DOCK4: variants seen among roughly 807,000 people sequenced by gnomAD.
The protein encoded by DOCK4 is dedicator of cytokinesis 4.
In DOCK4, 97 loss-of-function variants were observed where a neutral mutation model predicts 268.1. The observed-to-expected ratio is 0.36, with a 90% CI of 0.31 to 0.43. DOCK4 has a LOEUF of 0.43. Ranked by LOEUF, DOCK4 falls within the 20% of genes least tolerant of loss-of-function variation. The probability of loss-of-function intolerance (pLI) is 1.00; values close to 1 mark genes in which losing one functional copy is unlikely to be tolerated. For missense variants in DOCK4, 2,145 were observed against 2,455.7 expected (o/e 0.87, Z 2.67); for synonymous variants, 954 against 887.2 (o/e 1.08, Z -1.34).
At chr7:112,178,425 C>CA (rs762396332) in intron 1 of DOCK4, among the ~76,000 whole-genome samples, 54 of 151,894 alleles carry the variant, frequency 3.6e-4, no homozygotes, top group Non-Finnish European at 6.8e-4. Flanking sequence ...TATGAGAGAC[C>CA]AAAAAAATCA....
At chr7:111,968,712 A>G (rs1180724421) in intron 8 of DOCK4, among the ~76,000 whole-genome samples, 1 of 122,304 alleles carries the variant, frequency 8.2e-6, no homozygotes, top group Non-Finnish European at 1.6e-5. Context: ...ATTACTGGGT[A>G]TATACCCAAA....
At chr7:112,099,296 T>TA (rs1810452321) in intron 1 of DOCK4, among the ~76,000 whole-genome samples, 2 of 122,462 alleles carry the variant, frequency 1.6e-5, no homozygotes, top group Non-Finnish European at 3.5e-5. Flanking sequence ...TGTCTCGGAT[T>TA]TAAAAAAAAA....
At chr7:111,976,177 T>TACAC (rs1418945722) in intron 8 of DOCK4, among the ~76,000 whole-genome samples, 11 of 89,160 alleles carry the variant, frequency 1.2e-4, no homozygotes, top group African/African-American at 1.4e-4. Flanking sequence ...TATATATATA[T>TACAC]ACACACACAC....
chr7:111,808,659 C>T, intron 30 of DOCK4, 162 bp downstream of exon 30: 1 of 642,520 alleles, frequency 1.6e-6, no homozygotes. Flanking sequence ...TTTGTTGTAA[C>T]CTCATTCAAT....
At chr7:112,132,932 G>A (rs1466732096) in intron 1 of DOCK4, among the ~76,000 whole-genome samples, 4 of 152,154 alleles carry the variant, frequency 2.6e-5, no homozygotes, top group Admixed American at 2.0e-4. Flanking sequence ...TGTCACTCCT[G>A]AATTTCAACT....
chr7:112,113,334 G>A (rs1430181975), intron 1 of DOCK4, among the ~76,000 whole-genome samples: 3 of 152,156 alleles, frequency 2.0e-5, no homozygotes, highest in Non-Finnish European at 4.4e-5. Flanking sequence ...CTCTGCACAA[G>A]ATCAGGGGTT....
At chr7:111,913,075 T>A (rs145845821) in intron 13 of DOCK4, among the ~76,000 whole-genome samples, 1 of 151,944 alleles carries the variant, frequency 6.6e-6, no homozygotes, top group Non-Finnish European at 1.5e-5. Flanking sequence ...GCGATTCTCT[T>A]GCCTCAGCCT....
intron 20 of DOCK4, among the ~76,000 whole-genome samples, chr7:111,869,898 T>C (rs572236868): frequency 6.6e-6 from 1 of 152,314 alleles, no homozygotes; most frequent in South Asian, 2.1e-4. Flanking sequence ...CTGTTTCTGG[T>C]AATGCCTCCA....
At chr7:111,787,012 C>A (rs949493892) in intron 32 of DOCK4, among the ~76,000 whole-genome samples, 8 of 151,980 alleles carry the variant, frequency 5.3e-5, no homozygotes, top group African/African-American at 1.7e-4. Flanking sequence ...GAATCAGGTA[C>A]CTTAAAATAG....
chr7:111,888,402 C>T (rs1808021080), intron 16 of DOCK4, among the ~76,000 whole-genome samples: 1 of 151,672 alleles, frequency 6.6e-6, no homozygotes, highest in Non-Finnish European at 1.5e-5. Flanking sequence ...GAGAAAAAGA[C>T]TGAAAAATAG....
rs569067858 is a variant in DOCK4, at chr7:111,810,934, G to A, written c.3006+940C>T. Among the ~76,000 whole-genome samples, 65 of 152,048 alleles carry A rather than the reference G, an allele frequency of 4.3e-4. 2 individuals carry two copies. In the South Asian group the frequency reaches 0.013, roughly 30 times the overall value. On this transcript the variant is annotated intron_variant, in intron 28 of 52. Transcript: ENST00000428084. Reference sequence around the variant, plus strand: ...AGAGAATCGCTTGAACCTGGGAGGCGGAGGTGGCAGTGAGCCGAGACTGCG... The same window carrying A: ...AGAGAATCGCTTGAACCTGGGAGGCAGAGGTGGCAGTGAGCCGAGACTGCG...
intron 16 of DOCK4, among the ~76,000 whole-genome samples, chr7:111,891,500 C>T (rs1163367595): frequency 6.6e-6 from 1 of 152,144 alleles, no homozygotes; most frequent in Non-Finnish European, 1.5e-5. Flanking sequence ...ATGTTATTGG[C>T]AATTTAAATT....
At chr7:111,739,974 C>T (rs1169703731) in intron 47 of DOCK4, 1 of 299,602 alleles carries the variant, frequency 3.3e-6, no homozygotes, top group Non-Finnish European at 6.7e-6. Flanking sequence ...TGTTTGCTTG[C>T]AGGAGTTATA....
intron 16 of DOCK4, among the ~76,000 whole-genome samples, chr7:111,877,644 T>TG (rs1194655006): frequency 6.6e-6 from 1 of 152,220 alleles, no homozygotes; most frequent in Non-Finnish European, 1.5e-5. Context: ...TCCCTTACTT[T>TG]GAAAACTGGC....
In DOCK4 at chr7:111,968,699, C is replaced by T. The variant is rs1359137491; in HGVS notation, c.701+8433G>A. Among the ~76,000 whole-genome samples the T allele has an allele frequency of 4.0e-5, 5 of 123,626 alleles. 2 individuals carry two copies. Among genetic ancestry groups the T allele is most frequent in the Non-Finnish European group, 8.0e-5 (5 of 62,862 alleles). The allele number at this position is 123,626 out of a possible 152,430, so 81.1% of individuals were successfully genotyped here. A position where few individuals can be genotyped will look rare whatever the true frequency, so the allele number is the denominator to read the frequency against. ...TAGAAATGCCATTTGACCCAGCCAT[C>T]GCATTACTGGGTATATACCCAAAGG... On this transcript the variant is annotated intron_variant, in intron 8 of 52. Coordinates refer to ENST00000428084, the MANE Select transcript of DOCK4 (RefSeq NM_001363540.2).
intron 1 of DOCK4, among the ~76,000 whole-genome samples, chr7:112,170,203 C>A (rs1482470337): frequency 6.6e-6 from 1 of 152,032 alleles, no homozygotes; most frequent in African/African-American, 2.4e-5. Context: ...GTAATCCCAG[C>A]GCTTTGGGAG....
chr7:112,116,829 A>G (rs1812219754), intron 1 of DOCK4, among the ~76,000 whole-genome samples: 1 of 152,112 alleles, frequency 6.6e-6, no homozygotes, highest in Non-Finnish European at 1.5e-5. Context: ...CTTGGCCTCA[A>G]GTGATCCTCC....
chr7:111,941,932 C>G (rs370371343), intron 10 of DOCK4, among the ~76,000 whole-genome samples: 5 of 152,212 alleles, frequency 3.3e-5, no homozygotes, highest in African/African-American at 7.2e-5. Flanking sequence ...CAAACCTCCA[C>G]CTGACTCATG....
At chr7:112,078,732 A>C (rs1233358599) in intron 1 of DOCK4, among the ~76,000 whole-genome samples, 1 of 152,194 alleles carries the variant, frequency 6.6e-6, no homozygotes, top group Non-Finnish European at 1.5e-5. Context: ...GGAGATGAGA[A>C]ACAGGAGGGA....
Sources: allele counts gnomAD v4.1 joint callset (sites outside exome capture counted in the v4.1 genomes callset), GRCh38; gene constraint gnomAD v4.1.1; transcripts MANE v1.5; gene names NCBI Gene and HGNC (gene_info 2026-07-23, HGNC 2026-07-21).